The following AFG2A variants were observed in gnomAD, a reference collection of about 807,000 sequenced individuals.
The protein encoded by AFG2A is AAA ATPase AFG2A.
At chr4:123,105,934 A>C in the AFG2A span, among the ~76,000 whole-genome samples, 4 of 152,336 alleles carry the variant, frequency 2.6e-5, no homozygotes, top group Admixed American at 1.3e-4. Context: ...TTAAAACAGC[A>C]GGGTTTGAGA....
the AFG2A span, among the ~76,000 whole-genome samples, chr4:123,063,954 A>G: frequency 2.6e-5 from 4 of 152,220 alleles, no homozygotes; most frequent in Non-Finnish European, 4.4e-5. Context: ...TTGTAAGTAG[A>G]GCATAGATAT....
chr4:123,121,712 G>A, the AFG2A span, among the ~76,000 whole-genome samples: 121 of 152,264 alleles, frequency 7.9e-4, no homozygotes, highest in African/African-American at 2.7e-3. Context: ...ACTCTGTGAT[G>A]TTTGCACAAT....
chr4:122,923,081 T>C, the AFG2A span: 1 of 1,598,470 alleles, frequency 6.3e-7, no homozygotes, highest in Non-Finnish European at 8.5e-7. Context: ...AGTTTTTCTC[T>C]CAGTTGAAGC....
the AFG2A span, chr4:122,936,167 T>A: frequency 6.3e-7 from 1 of 1,588,490 alleles, no homozygotes; most frequent in Non-Finnish European, 8.6e-7. Context: ...GTACTCTTTA[T>A]TTTTAAATGT....
At chr4:123,267,230 C>G in the AFG2A span, among the ~76,000 whole-genome samples, 2 of 151,958 alleles carry the variant, frequency 1.3e-5, no homozygotes, top group Non-Finnish European at 2.9e-5. Flanking sequence ...CAGAATTTAA[C>G]CATGCCTTAG....
the AFG2A span, among the ~76,000 whole-genome samples, chr4:123,190,806 T>C: frequency 6.6e-6 from 1 of 152,230 alleles, no homozygotes; most frequent in Non-Finnish European, 1.5e-5. Flanking sequence ...TGAAGAATGT[T>C]ATTAAGCCAG....
the AFG2A span, among the ~76,000 whole-genome samples, chr4:123,272,478 T>A: frequency 4.6e-5 from 7 of 152,196 alleles, no homozygotes; most frequent in Non-Finnish European, 2.9e-5. Context: ...ATTGCTTTGC[T>A]TACAGTCATC....
At chr4:123,058,255 A>G in the AFG2A span, among the ~76,000 whole-genome samples, 1 of 152,348 alleles carries the variant, frequency 6.6e-6, no homozygotes, top group East Asian at 1.9e-4. Flanking sequence ...ATCATGGTGG[A>G]AGGCGAAAGA....
the AFG2A span, among the ~76,000 whole-genome samples, chr4:123,002,458 A>T: frequency 1.3e-5 from 2 of 152,066 alleles, no homozygotes; most frequent in African/African-American, 4.8e-5. Flanking sequence ...GTGCCTTTCC[A>T]TGTTTAGTGC....
the AFG2A span, among the ~76,000 whole-genome samples, chr4:123,281,928 G>T: frequency 6.6e-6 from 1 of 152,176 alleles, no homozygotes; most frequent in South Asian, 2.1e-4. Context: ...GGTTGTCAGG[G>T]ATTAGGGGAA....
At chr4:123,313,894 G>A in the AFG2A span, 1 of 1,571,512 alleles carries the variant, frequency 6.4e-7, no homozygotes, top group East Asian at 2.3e-5. Context: ...TCAGATTGTA[G>A]CTGTCTGCAG....
chr4:122,975,304 A>G, the AFG2A span, among the ~76,000 whole-genome samples: 1 of 152,166 alleles, frequency 6.6e-6, no homozygotes, highest in African/African-American at 2.4e-5. Context: ...CCTTTCTTAT[A>G]GCTGTATTAA....
the AFG2A span, among the ~76,000 whole-genome samples, chr4:123,142,190 C>G: frequency 1.1e-4 from 17 of 152,286 alleles, no homozygotes; most frequent in East Asian, 3.3e-3. Flanking sequence ...CTAATTATCA[C>G]TGAACATGAC....
chr4:123,307,092 T>G, the AFG2A span, among the ~76,000 whole-genome samples: 1 of 152,210 alleles, frequency 6.6e-6, no homozygotes, highest in Non-Finnish European at 1.5e-5. Context: ...ATACATCTAC[T>G]CAGCAGAGTT....
chr4:122,945,456 G>C, the AFG2A span, among the ~76,000 whole-genome samples: 2 of 152,238 alleles, frequency 1.3e-5, no homozygotes. Flanking sequence ...GCCAGGTGCG[G>C]GATATAATCT....
chr4:123,154,472 C>G, the AFG2A span, among the ~76,000 whole-genome samples: 1 of 152,108 alleles, frequency 6.6e-6, no homozygotes, highest in Non-Finnish European at 1.5e-5. Context: ...GACTGCACAT[C>G]TAAGGTGATA....
At chr4:123,143,484 T>C in the AFG2A span, among the ~76,000 whole-genome samples, 2 of 152,066 alleles carry the variant, frequency 1.3e-5, no homozygotes, top group South Asian at 2.1e-4. Context: ...CAATGGTTGA[T>C]GTATATATGG....
chr4:123,036,777 G>T, the AFG2A span, among the ~76,000 whole-genome samples: 1 of 152,026 alleles, frequency 6.6e-6, no homozygotes, highest in Non-Finnish European at 1.5e-5. Context: ...TACTTTATGA[G>T]AGGAACAGCT....
chr4:123,072,704 A>G, the AFG2A span, among the ~76,000 whole-genome samples: 1 of 152,180 alleles, frequency 6.6e-6, no homozygotes. Flanking sequence ...TATGTGCAAC[A>G]CAATATAATT....
Sources: gnomAD v4.1 joint callset for allele counts (sites outside exome capture counted in the v4.1 genomes callset) on GRCh38, gnomAD v4.1.1 for gene constraint, MANE v1.5 for transcripts, NCBI Gene and HGNC (gene_info 2026-07-23, HGNC 2026-07-21) for gene names.